Variants in ARHGAP42 observed in about 807,000 individuals in gnomAD.
ARHGAP42 encodes Rho GTPase activating protein 42.
In ARHGAP42, 63 loss-of-function variants were observed where a neutral mutation model predicts 125.0. The ratio of observed to expected loss-of-function variants is 0.50; its 90% CI spans 0.41 to 0.62. The LOEUF (loss-of-function observed/expected upper bound fraction) is 0.62. Among genes scored for constraint, ARHGAP42 ranks in the 20% least tolerant of loss-of-function variants. The pLI is 0.00. For synonymous variants in ARHGAP42, 339 were observed against 351.0 expected (o/e 0.97, Z 0.38); for missense variants, 766 against 1,024.2 (o/e 0.75, Z 3.44).
At chr11:100,690,406 C>T (rs1453118479) in intron 1 of ARHGAP42, among the ~76,000 whole-genome samples, 1 of 152,084 alleles carries the variant, frequency 6.6e-6, no homozygotes, top group African/African-American at 2.4e-5. Flanking sequence ...AGGTAATACA[C>T]GCCTGACTAT....
chr11:100,727,963 C>G (rs1861889590), intron 1 of ARHGAP42, among the ~76,000 whole-genome samples: 2 of 152,072 alleles, frequency 1.3e-5, no homozygotes, highest in Admixed American at 6.6e-5. Flanking sequence ...GAGTGAGCCC[C>G]TAAACTGTGG....
At chr11:100,773,629 A>G (rs944239668) in intron 2 of ARHGAP42, among the ~76,000 whole-genome samples, 8 of 152,320 alleles carry the variant, frequency 5.3e-5, no homozygotes, top group Admixed American at 1.3e-4. Context: ...GTTTTTAATC[A>G]CTATGCTACG....
intron 1 of ARHGAP42, among the ~76,000 whole-genome samples, chr11:100,735,349 A>AGAGC (rs1465907544): frequency 6.6e-6 from 1 of 152,118 alleles, no homozygotes; most frequent in Non-Finnish European, 1.5e-5. Context: ...ACTATTTAAG[A>AGAGC]GGCTTGCTTT....
intron 1 of ARHGAP42, among the ~76,000 whole-genome samples, chr11:100,729,936 G>A (rs1408242658): frequency 1.3e-5 from 2 of 150,584 alleles, no homozygotes; most frequent in South Asian, 2.1e-4. Flanking sequence ...TCAGCCTCCC[G>A]AGTTGCTGGG....
chr11:100,958,639 C>A (rs1857871720), intron 12 of ARHGAP42, among the ~76,000 whole-genome samples: 1 of 113,666 alleles, frequency 8.8e-6, no homozygotes, highest in African/African-American at 3.8e-5. Context: ...TTCTCCTTAC[C>A]AGTAGTTTGC....
intron 1 of ARHGAP42, among the ~76,000 whole-genome samples, chr11:100,721,417 A>G (rs1227283657): frequency 1.3e-5 from 2 of 152,022 alleles, no homozygotes; most frequent in South Asian, 2.1e-4. Context: ...AGCAATATGC[A>G]TTTAAGATTC....
In ARHGAP42 at chr11:100,965,674, C is replaced by T; in HGVS notation, c.1448C>T (p.Ser483Phe). 1 of 1,549,934 alleles carries T rather than the reference C, an allele frequency of 6.5e-7. No homozygotes were observed. The highest frequency in any genetic ancestry group is 2.4e-5 in the East Asian group (1 of 40,892). Residue 483 changes from serine to phenylalanine, a missense_variant, in exon 17 of 24, where the codon TCT becomes TTT. By Grantham distance (155) the Ser-to-Phe change is radical. Transcript: ENST00000298815. ...TGCAATCTTTTTTATGTAACAGAAT[C>T]TGATGATCAAAACTACAGGGTGGAG... Reference protein sequence around the residue: ...LHKDFIIAVKSDDQNYRVEAV... With the variant: ...LHKDFIIAVKFDDQNYRVEAV...
chr11:100,720,470 C>T (rs1393051375), intron 1 of ARHGAP42, among the ~76,000 whole-genome samples: 1 of 151,910 alleles, frequency 6.6e-6, no homozygotes, highest in Non-Finnish European at 1.5e-5. Flanking sequence ...ACTGTTTATA[C>T]AATAATAATA....
In ARHGAP42 at chr11:100,779,456, A is replaced by AT. The variant is rs1390409196; in HGVS notation, c.250+9018_250+9019insT. Among the ~76,000 whole-genome samples the AT allele has an allele frequency of 2.5e-3, 236 of 93,542 alleles. 4 individuals are homozygous for AT. The highest frequency in any genetic ancestry group is 8.5e-3 in the South Asian group (18 of 2,130). The allele number at this position is 93,542 out of a possible 152,430, so 61.4% of individuals were successfully genotyped here. On this transcript the variant is annotated intron_variant, in intron 2 of 23. Transcript: ENST00000298815. ...GCGAGACTGCGTCTCAAAAAAAAAA[A>AT]AAAAAAAAAAAATATATATATATAT...
intron 1 of ARHGAP42, among the ~76,000 whole-genome samples, chr11:100,695,950 G>A (rs531621360): frequency 1.4e-4 from 21 of 152,282 alleles, no homozygotes; most frequent in African/African-American, 4.8e-4. Flanking sequence ...TAGTGGCTGG[G>A]CGTGATGGCT....
chr11:100,864,225 C>T (rs1865514897), intron 4 of ARHGAP42, among the ~76,000 whole-genome samples: 2 of 150,972 alleles, frequency 1.3e-5, no homozygotes, highest in South Asian at 2.1e-4. Context: ...CACTCTGTCA[C>T]CCAGGCTGGA....
At chr11:100,926,788 T>A (rs1344996790) in intron 6 of ARHGAP42, among the ~76,000 whole-genome samples, 2 of 152,238 alleles carry the variant, frequency 1.3e-5, no homozygotes. Context: ...ACCTGTACTA[T>A]GATTGCTAGA....
rs1858811070 is a variant in ARHGAP42, at chr11:100,990,734, A to C, written c.*1933A>C. On this transcript the variant is annotated 3_prime_UTR_variant, in exon 24 of 24. Coordinates refer to ENST00000298815, the MANE Select transcript of ARHGAP42 (RefSeq NM_152432.4). The stretch of plus-strand genomic sequence containing the variant: ...ACAGAAGGTAGTTTTCCAGTGTACC[A>C]GTCCCTTAGTCTATACAGCACCCTT... 1 of 152,580 alleles carries C rather than the reference A, an allele frequency of 6.6e-6. No individual in the cohort carries two copies. Among genetic ancestry groups the C allele is most frequent in the African/African-American group, 2.4e-5 (1 of 41,444 alleles). 9.5% of individuals were successfully genotyped at this position (152,580 alleles called of 1,614,324 possible).
At chr11:100,845,867 C>T (rs1471302684) in intron 3 of ARHGAP42, among the ~76,000 whole-genome samples, 1 of 152,128 alleles carries the variant, frequency 6.6e-6, no homozygotes, top group African/African-American at 2.4e-5. Context: ...TTCATTCTTC[C>T]AAGATTGTTT....
intron 3 of ARHGAP42, among the ~76,000 whole-genome samples, chr11:100,843,915 C>A (rs1293495377): frequency 1.3e-5 from 2 of 152,042 alleles, no homozygotes; most frequent in Non-Finnish European, 2.9e-5. Context: ...ATCAAAATAT[C>A]ACCATCATTC....
intron 3 of ARHGAP42, among the ~76,000 whole-genome samples, chr11:100,808,591 G>A (rs1018536880): frequency 4.0e-5 from 6 of 150,672 alleles, no homozygotes; most frequent in African/African-American, 7.3e-5. Context: ...ATTTTTAGTA[G>A]AGACGGGGTT....
chr11:100,960,224 C>T (rs1366275931), intron 13 of ARHGAP42, among the ~76,000 whole-genome samples: 1 of 117,320 alleles, frequency 8.5e-6, no homozygotes, highest in African/African-American at 3.9e-5. Flanking sequence ...ACTGCAAGCA[C>T]CTCTTTGATT....
At chr11:100,799,171 C>T (rs1435169319) in intron 3 of ARHGAP42, among the ~76,000 whole-genome samples, 6 of 152,136 alleles carry the variant, frequency 3.9e-5, no homozygotes, top group East Asian at 1.9e-4. Context: ...AATTAAAGTA[C>T]GATTCAGGTG....
At chr11:100,937,898 A>C (rs979906784) in intron 8 of ARHGAP42, among the ~76,000 whole-genome samples, 1 of 152,176 alleles carries the variant, frequency 6.6e-6, no homozygotes, top group Non-Finnish European at 1.5e-5. Context: ...GTCTATAAGC[A>C]TAGGCCCTTC....
Sources: gnomAD v4.1 joint callset for allele counts (sites outside exome capture counted in the v4.1 genomes callset) on GRCh38, gnomAD v4.1.1 for gene constraint, MANE v1.5 for transcripts, NCBI Gene and HGNC (gene_info 2026-07-23, HGNC 2026-07-21) for gene names.